The following RNF13 variants were observed in gnomAD, a reference collection of about 807,000 sequenced individuals.
RNF13 encodes ring finger protein 13, also known as E3 ubiquitin-protein ligase RNF13.
Under a neutral mutation model 37.7 loss-of-function variants are expected in RNF13, and 19 were observed. The ratio of observed to expected loss-of-function variants is 0.50; its 90% CI spans 0.35 to 0.74. The LOEUF (loss-of-function observed/expected upper bound fraction) is 0.74, where lower values mean the gene tolerates loss of function less well. Among genes scored for constraint, RNF13 ranks in the 30% least tolerant of loss-of-function variants. The probability of loss-of-function intolerance (pLI) is 0.01; values close to 1 mark genes in which losing one functional copy is unlikely to be tolerated. For synonymous variants in RNF13, 144 were observed against 157.8 expected (o/e 0.91, Z 0.65); for missense variants, 375 against 453.0 (o/e 0.83, Z 1.56).
At chr3:149,950,186 G>A (rs1211449508) in intron 8 of RNF13, among the ~76,000 whole-genome samples, 1 of 152,104 alleles carries the variant, frequency 6.6e-6, no homozygotes, top group African/African-American at 2.4e-5. Context: ...AACCATTGTT[G>A]CATGTTGCCT....
chr3:149,906,645 C>CTTTTTTTTTTT (rs35801459), intron 6 of RNF13, among the ~76,000 whole-genome samples: 1 of 79,158 alleles, frequency 1.3e-5, no homozygotes, highest in Non-Finnish European at 2.2e-5. Context: ...TTCAATTCTG[C>CTTTTTTTTTTT]TTTTTTTTTT....
Position 149,936,673 on chromosome 3 carries a change from C to A in RNF13, c.700+15446C>A, listed in dbSNP as rs140538571. On this transcript the variant is annotated intron_variant, in intron 8 of 9. Transcript: ENST00000392894. ...TTCTCCAAAATTGCTATTTTGAATT[C>A]TTGATCAGAGAACTTACACATCTTC... 7.4e-3 allele frequency among the ~76,000 whole-genome samples: 1,128 copies of A among 152,142 alleles called. 9 individuals are homozygous for A. Among genetic ancestry groups the A allele is most frequent in the Admixed American group, 0.013 (192 of 15,272 alleles).
intron 4 of RNF13, among the ~76,000 whole-genome samples, chr3:149,876,576 C>T (rs1165143442): frequency 1.3e-5 from 2 of 152,072 alleles, no homozygotes; most frequent in African/African-American, 4.8e-5. Context: ...CTCCTCCCAC[C>T]TCGTAAGAAT....
intron 1 of RNF13, among the ~76,000 whole-genome samples, chr3:149,822,315 A>G (rs866973112): frequency 1.3e-5 from 2 of 151,980 alleles, no homozygotes; most frequent in Admixed American, 6.5e-5. Context: ...TTTGTGTTTT[A>G]TAGTTTTCGG....
intron 4 of RNF13, among the ~76,000 whole-genome samples, chr3:149,882,038 C>T (rs1050987502): frequency 8.6e-5 from 13 of 151,442 alleles, no homozygotes; most frequent in Admixed American, 6.6e-5. Context: ...GAAGGATATA[C>T]AGATGGAGGA....
At chr3:149,844,937 C>T (rs1722504049) in intron 1 of RNF13, among the ~76,000 whole-genome samples, 1 of 152,140 alleles carries the variant, frequency 6.6e-6, no homozygotes, top group South Asian at 2.1e-4. Flanking sequence ...ATTTCTCATT[C>T]CCACCTTTCC....
chr3:149,932,585 A>C (rs1434335902), intron 8 of RNF13, among the ~76,000 whole-genome samples: 1 of 152,222 alleles, frequency 6.6e-6, no homozygotes, highest in Non-Finnish European at 1.5e-5. Flanking sequence ...AGAAAGGGAA[A>C]TAGGCCCCAC....
At chr3:149,941,530 G>GTTTT (rs61171032) in intron 8 of RNF13, among the ~76,000 whole-genome samples, 2 of 144,408 alleles carry the variant, frequency 1.4e-5, no homozygotes, top group African/African-American at 5.1e-5. Flanking sequence ...TTTAAATTAG[G>GTTTT]TTTTTTTTTT....
At chr3:149,951,111 G>A (rs1270539587) in intron 8 of RNF13, among the ~76,000 whole-genome samples, 2 of 152,120 alleles carry the variant, frequency 1.3e-5, no homozygotes, top group African/African-American at 4.8e-5. Flanking sequence ...AAAGCACTGG[G>A]TCCCCTGGAA....
rs528453221 is a variant in RNF13 at position 149,902,089 on chromosome 3, A to G, written c.427A>G (p.Ile143Val). The G allele has an allele frequency of 4.3e-5, 63 of 1,481,462 alleles. 1 individual carries two copies. In the Admixed American group the frequency reaches 1.4e-3, roughly 33 times the overall value. The allele number at this position is 1,481,462 out of a possible 1,614,324, so 91.8% of individuals were successfully genotyped here. A position where few individuals can be genotyped will look rare whatever the true frequency, so the allele number is the denominator to read the frequency against. ...GSNDIEVLKK[I>V]DIPSVFIGES... ...TTATACAGTTGAGGTACTAAAGAAA[A>G]TTGACATTCCATCTGTCTTTATTGG... Residue 143 changes from isoleucine to valine, a missense_variant, in exon 6 of 10, where the codon ATT (isoleucine) becomes GTT (valine). Ile to Val is a conservative substitution (Grantham distance 29). Transcript: ENST00000392894.
At chr3:149,943,304 A>T (rs956980063) in intron 8 of RNF13, among the ~76,000 whole-genome samples, 7 of 151,948 alleles carry the variant, frequency 4.6e-5, no homozygotes, top group African/African-American at 1.5e-4. Context: ...AGATATCCCA[A>T]TATCCCCTGC....
chr3:149,876,203 G>C (rs1369154338), intron 4 of RNF13, among the ~76,000 whole-genome samples: 1 of 152,166 alleles, frequency 6.6e-6, no homozygotes, highest in Middle Eastern at 3.2e-3. Flanking sequence ...CTGGACTTTA[G>C]CAAAGGCTGG....
chr3:149,916,478 C>G (rs1717521261), intron 7 of RNF13, among the ~76,000 whole-genome samples: 1 of 152,128 alleles, frequency 6.6e-6, no homozygotes, highest in South Asian at 2.1e-4. Flanking sequence ...TCTGCAGATT[C>G]ATCAGTAAAC....
At chr3:149,859,527 C>G (rs1724005042) in intron 3 of RNF13, among the ~76,000 whole-genome samples, 1 of 152,074 alleles carries the variant, frequency 6.6e-6, no homozygotes, top group Non-Finnish European at 1.5e-5. Flanking sequence ...TCAAAGGAGG[C>G]TCAGGTTTTT....
chr3:149,960,241 C>T (rs1722254177), intron 9 of RNF13, 105 bp downstream of exon 9: 1 of 778,844 alleles, frequency 1.3e-6, no homozygotes, highest in Non-Finnish European at 2.2e-6. Flanking sequence ...CACCAGAAGC[C>T]AGGCCCTGTA....
intron 3 of RNF13, among the ~76,000 whole-genome samples, 189 bp from the exon 4 acceptor site, chr3:149,871,840 T>G (rs537242760): frequency 1.3e-5 from 2 of 152,296 alleles, no homozygotes; most frequent in South Asian, 4.1e-4. Flanking sequence ...AGAACTTATT[T>G]TAGAAAACTA....
intron 3 of RNF13, among the ~76,000 whole-genome samples, chr3:149,860,922 A>G (rs1724189541): frequency 6.6e-6 from 1 of 152,170 alleles, no homozygotes; most frequent in African/African-American, 2.4e-5. Flanking sequence ...CAGCAAAAAG[A>G]CAGTCTGATT....
chr3:149,946,145 TC>T (rs1720755241), intron 8 of RNF13, among the ~76,000 whole-genome samples: 2 of 152,096 alleles, frequency 1.3e-5, no homozygotes, highest in South Asian at 4.1e-4. Flanking sequence ...TGCGAACCCA[TC>T]CCAAAGAATC....
chr3:149,948,511 C>A (rs1382925445), intron 8 of RNF13, among the ~76,000 whole-genome samples: 1 of 152,002 alleles, frequency 6.6e-6, no homozygotes, highest in Non-Finnish European at 1.5e-5. Context: ...CTACAGATAT[C>A]TTCCTTATGG....
Sources: gnomAD v4.1 joint callset for allele counts (sites outside exome capture counted in the v4.1 genomes callset) on GRCh38, gnomAD v4.1.1 for gene constraint, MANE v1.5 for transcripts, NCBI Gene and HGNC (gene_info 2026-07-23, HGNC 2026-07-21) for gene names.